Variants in C3 observed in about 807,000 individuals in gnomAD.
The protein encoded by C3 is C3 and PZP-like alpha-2-macroglobulin domain-containing protein 1.
A neutral mutation model predicts 207.9 loss-of-function variants in C3; 97 were observed. The ratio of observed to expected loss-of-function variants is 0.47; its 90% confidence interval spans 0.40 to 0.55. The LOEUF is 0.55. Among genes scored for constraint, C3 ranks in the 20% least tolerant of loss-of-function variants. The pLI, the probability that C3 is intolerant of heterozygous loss-of-function variation, is 0.00. For missense variants in C3, 1,684 were observed against 2,171.7 expected, an observed-to-expected ratio of 0.78 and a Z score of 4.46; for synonymous variants, 848 against 857.6, an observed-to-expected ratio of 0.99 and a Z score of 0.20.
Position 6,686,213 on chromosome 19 carries a change from G to A in C3, c.3721C>T (p.Leu1241=). ...EATSYALLAL[L]QLKDFDFVPP... is the part of the protein sequence containing the mutation. ...ACAAAGTCAAAGTCTTTTAGCTGCAGTAGGGCCAAGAGGGCATAGGATGTG... is the reference window on the plus strand; with the variant it reads ...ACAAAGTCAAAGTCTTTTAGCTGCAATAGGGCCAAGAGGGCATAGGATGTG... The change falls in exon 29 of 41, where the codon CTG becomes TTG. Residue 1241 remains leucine, a synonymous_variant. Transcript: ENST00000245907. 1.2e-6 allele frequency: 2 copies of A among 1,614,206 alleles called. No individual in the cohort carries two copies.
Position 6,690,124 on chromosome 19 carries a change from G to A in C3, c.3489+505C>T, listed in dbSNP as rs11569516. ...CAGTGATGAGCCAACAGTGTTCACC[G>A]TTTCCTGTTTGGAGTCACGGATCCC... is the stretch of plus-strand genomic sequence containing the variant. On this transcript the variant is annotated intron_variant, in intron 27 of 40. Coordinates refer to ENST00000245907, the MANE Select transcript of C3 (RefSeq NM_000064.4). Among the ~76,000 whole-genome samples the A allele has an allele frequency of 4.4e-3, 663 of 152,284 alleles. 5 individuals are homozygous for A. The highest frequency in any genetic ancestry group is 0.015 in the African/African-American group (620 of 41,558).
At chr19:6,697,991 TA>T (rs1157538301) in intron 19 of C3, among the ~76,000 whole-genome samples, 197 bp from the exon 20 acceptor site, 10 of 4,328 alleles carry the variant, frequency 2.3e-3, no homozygotes, top group Non-Finnish European at 2.6e-3. Context: ...TACCATTATT[TA>T]TTATTATTAT....
At chr19:6,710,377 AAGAG>A (rs141381095) in intron 13 of C3, among the ~76,000 whole-genome samples, 1,823 of 130,448 alleles carry the variant, frequency 0.014, 42 homozygotes, top group African/African-American at 0.05. Context: ...GATGGAGAGA[AAGAG>A]AGATCGAGAG....
chr19:6,703,423 G>A (rs961344227), intron 17 of C3, among the ~76,000 whole-genome samples: 1 of 152,054 alleles, frequency 6.6e-6, no homozygotes, highest in African/African-American at 2.4e-5. Context: ...CCTGGCCAAT[G>A]TGGCAAAACC....
At chr19:6,684,135 A>G in intron 33 of C3, 1 of 568,908 alleles carries the variant, frequency 1.8e-6, no homozygotes, top group Non-Finnish European at 3.2e-6. Flanking sequence ...AAGGTCATGG[A>G]ATGATTGTGT....
Position 6,719,407 on chromosome 19 carries a change from T to G in C3, c.75-4A>C, listed in dbSNP as rs764870820. 1.2e-6 allele frequency: 2 copies of G among 1,613,548 alleles called. No individual in the cohort carries two copies. The highest frequency in any genetic ancestry group is 1.7e-6 in the Non-Finnish European group (2 of 1,179,636). On this transcript the variant is annotated splice_polypyrimidine_tract_variant and splice_region_variant and intron_variant, in intron 1 of 40. Transcript: ENST00000245907. This position sits in a 1 kb window ranked among gnomAD's most constrained non-coding sequence, Gnocchi z 5.4. ...GTTGGGGGTGATGATAGAGTACCTGTCGGAGTGGGGCACGGGAGTGGGCTT... is the reference window on the plus strand; with the variant it reads ...GTTGGGGGTGATGATAGAGTACCTGGCGGAGTGGGGCACGGGAGTGGGCTT...
chr19:6,690,489 G>T (rs1918138648), intron 27 of C3, 140 bp downstream of exon 27: 2 of 726,036 alleles, frequency 2.8e-6, no homozygotes, highest in Admixed American at 3.9e-5. Flanking sequence ...AAAGATGTTA[G>T]CTATTAACAT....
Position 6,682,165 on chromosome 19 carries a change from G to C in C3, c.4237C>G (p.Pro1413Ala). ...LDISMMTGFAPDTDDLKQLAN... is the reference protein window; with the variant it reads ...LDISMMTGFAADTDDLKQLAN... ...ACCTGCTTCAGGTCATCTGTGTCTG[G>C]AGCAAAGCCAGTCATCATGGATATG... Residue 1413 changes from proline (P) to alanine (A), a missense_variant, in exon 34 of 41, where the codon CCA becomes GCA. Transcript: ENST00000245907. 1.2e-6 allele frequency: 2 copies of C among 1,613,920 alleles called. No individual in the cohort carries two copies. The highest frequency in any genetic ancestry group is 1.7e-6 in the Non-Finnish European group (2 of 1,179,818).
In C3 at chr19:6,677,942, T is replaced by C; in HGVS notation, c.4932A>G (p.Lys1644=). The C allele has an allele frequency of 6.2e-7, 1 of 1,613,844 alleles. No individual in the cohort carries two copies. Among genetic ancestry groups the C allele is most frequent in the East Asian group, 2.2e-5 (1 of 44,852 alleles). The change falls in exon 41 of 41, where the codon AAA becomes AAG. Residue 1644 remains lysine (K), a synonymous_variant. Coordinates refer to ENST00000245907, the MANE Select transcript of C3 (RefSeq NM_000064.4). ...TGAAGGCGCCGAGGTCCTGGCATTGTTTCTGGTTCTCTTCGTCTTGGCATT... is the reference window on the plus strand; with the variant it reads ...TGAAGGCGCCGAGGTCCTGGCATTGCTTCTGGTTCTCTTCGTCTTGGCATT... ...EDECQDEENQ[K]QCQDLGAFTE...
At chr19:6,693,990 C>A (rs1599506972) in intron 24 of C3, among the ~76,000 whole-genome samples, 1 of 121,878 alleles carries the variant, frequency 8.2e-6, no homozygotes, top group East Asian at 2.5e-4. Flanking sequence ...AGGGGATGGG[C>A]ATGGCCTTGA....
intron 27 of C3, among the ~76,000 whole-genome samples, chr19:6,688,524 CTT>C (rs567622874): frequency 6.9e-6 from 1 of 144,328 alleles, no homozygotes; most frequent in Non-Finnish European, 1.5e-5. Context: ...TTATAGCACA[CTT>C]TTTTTTTTTT....
chr19:6,709,672 A>T lies in C3; in HGVS notation c.1845+12T>A, dbSNP rs1967862370. On this transcript the variant is annotated intron_variant, in intron 14 of 40. Coordinates refer to ENST00000245907, the MANE Select transcript of C3 (RefSeq NM_000064.4). ...CGCCTCTTCTCAGCAGCCTTGGGTC[A>T]CTGGCCCTTACCTTACTCTGCGTCA... 1 of 1,592,138 alleles carries T rather than the reference A, an allele frequency of 6.3e-7. No individual in the cohort carries two copies. Among genetic ancestry groups the T allele is most frequent in the Non-Finnish European group, 8.5e-7 (1 of 1,170,360 alleles).
Position 6,684,533 on chromosome 19 carries a change from G to A in C3, c.4120+27C>T, listed in dbSNP as rs1019539613. On this transcript the variant is annotated intron_variant, in intron 32 of 40. Coordinates refer to ENST00000245907, the MANE Select transcript of C3 (RefSeq NM_000064.4). Reference sequence around the variant, plus strand: ...ATTAGAAGAGGGGTAGGAGGAAGGTGACAGATAAGGCCTTGATTCCTTTTA... The same window carrying A: ...ATTAGAAGAGGGGTAGGAGGAAGGTAACAGATAAGGCCTTGATTCCTTTTA... The A allele has an allele frequency of 2.5e-6, 4 of 1,590,240 alleles. No individual in the cohort carries two copies. In the African/African-American group the frequency reaches 5.4e-5, roughly 21 times the overall value.
At chr19:6,708,978 C>T (rs1367921740) in intron 14 of C3, among the ~76,000 whole-genome samples, 1 of 152,122 alleles carries the variant, frequency 6.6e-6, no homozygotes, top group Non-Finnish European at 1.5e-5. Flanking sequence ...TGAGCCACCG[C>T]ACCTGGCCTC....
chr19:6,713,906 C>A, intron 7 of C3, 86 bp downstream of exon 7: 1 of 659,200 alleles, frequency 1.5e-6, no homozygotes, highest in Non-Finnish European at 2.6e-6. Flanking sequence ...CTCCAGCCCC[C>A]CACCTGACTC....
intron 4 of C3, chr19:6,717,646 G>A (rs1364497430): frequency 9.9e-6 from 2 of 201,834 alleles, no homozygotes; most frequent in East Asian, 1.6e-4. Flanking sequence ...GTTGTGTGTT[G>A]TGTGTGGTGT....
At position 6,694,492 on chromosome 19, in the gene C3, C is replaced by T; in HGVS notation, c.3093G>A (p.Thr1031=). 3 of 1,614,146 alleles carry T rather than the reference C, an allele frequency of 1.9e-6. No homozygotes were observed. Among genetic ancestry groups the T allele is most frequent in the Non-Finnish European group, 1.7e-6 (2 of 1,180,006 alleles). ...CTAGGCCGAACTTCTCCCACTGCTC[C>T]GTTTCATCCAGGTAATGCACAGCGA... is the stretch of plus-strand genomic sequence containing the variant. ...TVIAVHYLDE[T]EQWEKFGLEK... The change falls in exon 24 of 41, where the codon ACG becomes ACA. Residue 1031 remains threonine, a synonymous_variant. Coordinates refer to ENST00000245907, the MANE Select transcript of C3 (RefSeq NM_000064.4).
At chr19:6,695,781 T>C (rs1967519671) in intron 23 of C3, among the ~76,000 whole-genome samples, 1 of 152,090 alleles carries the variant, frequency 6.6e-6, no homozygotes, top group Non-Finnish European at 1.5e-5. Context: ...TTTAAGCTGG[T>C]TTCCCATCTA....
chr19:6,686,471 C>T, intron 28 of C3, 184 bp from the exon 29 acceptor site: 1 of 726,036 alleles, frequency 1.4e-6, no homozygotes, highest in Non-Finnish European at 2.4e-6. Flanking sequence ...CTCACTTCTC[C>T]CTTTGAAATG....
Sources: gnomAD v4.1 joint callset for allele counts (sites outside exome capture counted in the v4.1 genomes callset) on GRCh38, gnomAD v4.1.1 for gene constraint, Gnocchi (gnomAD v3.1) non-coding constraint, MANE v1.5 for transcripts, NCBI Gene and HGNC (gene_info 2026-07-23, HGNC 2026-07-21) for gene names.